SYT6: variants seen among roughly 807,000 people sequenced by gnomAD.
The protein encoded by SYT6 is synaptotagmin 6.
Under a neutral mutation model 38.4 loss-of-function variants are expected in SYT6, and 24 were observed. The ratio of observed to expected loss-of-function variants is 0.62; its 90% CI spans 0.45 to 0.88. The LOEUF is 0.88. Ranked by LOEUF, SYT6 falls within the 40% of genes least tolerant of loss-of-function variation. The pLI is 0.00. For missense variants in SYT6, 611 were observed against 621.0 expected, an observed-to-expected ratio of 0.98 and a Z score of 0.17; for synonymous variants, 265 against 241.9, an observed-to-expected ratio of 1.10 and a Z score of -0.89.
intron 3 of SYT6, among the ~76,000 whole-genome samples, chr1:114,104,686 A>T (rs992898567): frequency 3.9e-5 from 6 of 152,092 alleles, no homozygotes; most frequent in Admixed American, 2.6e-4. Context: ...CCATCCATTC[A>T]GTAATTCAGT....
intron 1 of SYT6, among the ~76,000 whole-genome samples, 180 bp from the exon 2 acceptor site, chr1:114,140,143 C>T (rs1219546320): frequency 6.6e-6 from 1 of 152,050 alleles, no homozygotes; most frequent in Non-Finnish European, 1.5e-5. Context: ...CTTGATTGTC[C>T]ACTTGGTGGA....
chr1:114,148,230 C>A (rs1333434692), intron 1 of SYT6, among the ~76,000 whole-genome samples: 1 of 152,158 alleles, frequency 6.6e-6, no homozygotes, highest in Non-Finnish European at 1.5e-5. Context: ...TCTTCTCCAC[C>A]CATAGTGTTA....
intron 3 of SYT6, among the ~76,000 whole-genome samples, chr1:114,121,561 T>G (rs1373512320): frequency 6.6e-6 from 1 of 152,198 alleles, no homozygotes; most frequent in African/African-American, 2.4e-5. Context: ...TGAAACGTAT[T>G]TTTTGTGGCT....
intron 1 of SYT6, among the ~76,000 whole-genome samples, chr1:114,151,921 A>G (rs916819697): frequency 1.3e-5 from 2 of 152,110 alleles, no homozygotes; most frequent in Non-Finnish European, 2.9e-5. Flanking sequence ...CCACCCTCTA[A>G]AAGTTCTTTA....
intron 7 of SYT6, among the ~76,000 whole-genome samples, chr1:114,093,285 A>G (rs1675431054): frequency 6.6e-6 from 1 of 152,230 alleles, no homozygotes; most frequent in Non-Finnish European, 1.5e-5. Context: ...GGAAGGACCC[A>G]GACCTACTAA....
chr1:114,153,662 A>G lies in SYT6; in HGVS notation c.111T>C (p.Cys37=), dbSNP rs995314427. 4.5e-6 allele frequency: 3 copies of G among 662,820 alleles called. No individual in the cohort carries two copies. Among genetic ancestry groups the G allele is most frequent in the Admixed American group, 2.4e-5 (1 of 41,602 alleles). The allele number at this position is 662,820 out of a possible 1,614,324, so 41.1% of individuals were successfully genotyped here. ...CTGGGGGCTGCAGCTCGAAGCTCCG[A>G]CAAGTCTCCACGTCCAGCCCGAGAG... ...PPPLGLDVET[C]RSFELQPPER... The change falls in exon 1 of 8, where the codon TGT becomes TGC. Residue 37 remains cysteine, a synonymous_variant. Transcript: ENST00000610222.
At chr1:114,099,386 G>T (rs1286075498) in intron 4 of SYT6, 121 bp from the exon 5 acceptor site, 13 of 1,031,328 alleles carry the variant, frequency 1.3e-5, no homozygotes, top group Admixed American at 2.7e-5. Flanking sequence ...GGTATCAGTG[G>T]GTTGTTAAAA....
intron 3 of SYT6, among the ~76,000 whole-genome samples, chr1:114,132,083 T>A (rs1304400200): frequency 6.6e-6 from 1 of 152,224 alleles, no homozygotes; most frequent in Non-Finnish European, 1.5e-5. Context: ...AACCTTCGTT[T>A]GTTTATTTAC....
At chr1:114,140,418 C>A (rs1036546245) in intron 1 of SYT6, among the ~76,000 whole-genome samples, 2 of 152,140 alleles carry the variant, frequency 1.3e-5, no homozygotes, top group African/African-American at 2.4e-5. Context: ...TTGTCTACAG[C>A]CCACTTCCTT....
intron 6 of SYT6, among the ~76,000 whole-genome samples, chr1:114,095,901 C>T (rs1346466256): frequency 6.6e-6 from 1 of 152,086 alleles, no homozygotes; most frequent in Non-Finnish European, 1.5e-5. Context: ...ACCTCATGAT[C>T]CATCCACCTC....
intron 3 of SYT6, among the ~76,000 whole-genome samples, chr1:114,115,881 C>T (rs1473106129): frequency 6.6e-6 from 1 of 152,146 alleles, no homozygotes; most frequent in Non-Finnish European, 1.5e-5. Context: ...TGTTGCTCTT[C>T]TCCTCCATCC....
At chr1:114,140,676 T>C (rs1476955782) in intron 1 of SYT6, among the ~76,000 whole-genome samples, 1 of 152,220 alleles carries the variant, frequency 6.6e-6, no homozygotes, top group Non-Finnish European at 1.5e-5. Flanking sequence ...ACTTCAAAGC[T>C]AAATAGAGGC....
intron 3 of SYT6, among the ~76,000 whole-genome samples, chr1:114,107,962 C>G (rs575734860): frequency 3.2e-4 from 49 of 152,342 alleles, no homozygotes; most frequent in African/African-American, 1.0e-3. Flanking sequence ...GTAATGAGCT[C>G]TCTGGTGCAG....
intron 3 of SYT6, among the ~76,000 whole-genome samples, chr1:114,120,877 A>G (rs1314810023): frequency 6.6e-6 from 1 of 152,132 alleles, no homozygotes; most frequent in Non-Finnish European, 1.5e-5. Context: ...CTCCTACGTC[A>G]CTGGAAAGAC....
At chr1:114,145,502 G>GTTTTTTTTTTTTTTTTTTTTTTTTTTTT (rs752982644) in intron 1 of SYT6, among the ~76,000 whole-genome samples, 1 of 111,628 alleles carries the variant, frequency 9.0e-6, no homozygotes. Context: ...GAGGTATTAA[G>GTTTTTTTTTTTTTTTTTTTTTTTTTTTT]TTTTTTTTTT....
chr1:114,109,463 A>G (rs1365018204), intron 3 of SYT6, among the ~76,000 whole-genome samples: 1 of 152,182 alleles, frequency 6.6e-6, no homozygotes, highest in East Asian at 1.9e-4. Flanking sequence ...TACTCCTAAG[A>G]GAGTAGTATG....
At position 114,103,632 on chromosome 1, in the gene SYT6, G is replaced by T; in HGVS notation, c.1161C>A (p.Asn387Lys). The change falls in exon 4 of 8, where the codon AAC (asparagine) becomes AAA (lysine). Residue 387 changes from asparagine to lysine, a missense_variant. By Grantham distance (94) the Asn-to-Lys change is moderately conservative. Coordinates refer to ENST00000610222, the MANE Select transcript of SYT6 (RefSeq NM_001253772.2). Reference protein sequence around the residue: ...RLTLTVIKCRNLKAMDITGYS... With the variant: ...RLTLTVIKCRKLKAMDITGYS... ...AGCCTGTGATGTCCATCGCCTTGAG[G>T]TTCCGACACTTAATCACTGTGAGGG... 6.2e-7 allele frequency: 1 copy of T among 1,614,186 alleles called. No individual in the cohort carries two copies. Among genetic ancestry groups the T allele is most frequent in the Non-Finnish European group, 8.5e-7 (1 of 1,180,026 alleles).
intron 3 of SYT6, 121 bp downstream of exon 3, chr1:114,137,374 C>A: frequency 8.4e-7 from 1 of 1,197,270 alleles, no homozygotes; most frequent in Non-Finnish European, 1.2e-6. Flanking sequence ...TTCCAGAGTC[C>A]CTCTTCACAT....
Position 114,137,879 on chromosome 1 carries a change from G to T in SYT6, c.687C>A (p.Ser229Arg). 6.2e-7 allele frequency: 1 copy of T among 1,614,082 alleles called. No individual in the cohort carries two copies. Among genetic ancestry groups the T allele is most frequent in the African/African-American group, 1.3e-5 (1 of 75,016 alleles). The part of the protein sequence containing the change: ...GEDAKSEATK[S>R]CGKINFSLRY... ...GTAGGCTGAAGTTGATCTTCCCGCA[G>T]CTCTTGGTGGCCTCAGACTTGGCAT... The change falls in exon 3 of 8, where the codon AGC (serine) becomes AGA (arginine). Residue 229 changes from serine (S) to arginine (R), a missense_variant. Coordinates refer to ENST00000610222, the MANE Select transcript of SYT6 (RefSeq NM_001253772.2).
Sources: gnomAD v4.1 joint callset for allele counts (sites outside exome capture counted in the v4.1 genomes callset) on GRCh38, gnomAD v4.1.1 for gene constraint, MANE v1.5 for transcripts, NCBI Gene and HGNC (gene_info 2026-07-23, HGNC 2026-07-21) for gene names.